The following SBNO2 variants were observed in gnomAD, a reference collection of about 807,000 sequenced individuals.
SBNO2 encodes strawberry notch homolog 2, also known as protein strawberry notch homolog 2.
Under a neutral mutation model 146.3 loss-of-function variants are expected in SBNO2, and 89 were observed. That is an observed-to-expected ratio of 0.61 (90% confidence interval 0.51 to 0.73). SBNO2 has a LOEUF of 0.73. SBNO2 is among the 30% of genes least tolerant of loss of function. The probability of loss-of-function intolerance (pLI) is 0.00; values close to 1 mark genes in which losing one functional copy is unlikely to be tolerated. For missense variants in SBNO2, 2,092 were observed against 2,003.7 expected, an observed-to-expected ratio of 1.04 and a Z score of -0.84; for synonymous variants, 1,147 against 892.6, an observed-to-expected ratio of 1.29 and a Z score of -5.08.
chr19:1,161,538 G>A (rs1192883258), intron 1 of SBNO2, among the ~76,000 whole-genome samples: 1 of 90,876 alleles, frequency 1.1e-5, no homozygotes, highest in African/African-American at 4.3e-5. Context: ...GAGCACTGGG[G>A]GGGTGGAAGT....
At chr19:1,172,928 C>A (rs1216721329) in intron 1 of SBNO2, among the ~76,000 whole-genome samples, 2 of 151,668 alleles carry the variant, frequency 1.3e-5, no homozygotes, top group Non-Finnish European at 2.9e-5. Context: ...TCTGAGCAGG[C>A]GGGAACAACA....
At chr19:1,121,570 C>A (rs1157783347) in intron 11 of SBNO2, among the ~76,000 whole-genome samples, 1 of 152,246 alleles carries the variant, frequency 6.6e-6, no homozygotes, top group Non-Finnish European at 1.5e-5. Context: ...CAGGGCTGAG[C>A]CTGGCCAAGG....
At chr19:1,146,805 G>T (rs1427686088) in intron 4 of SBNO2, among the ~76,000 whole-genome samples, 18 of 139,080 alleles carry the variant, frequency 1.3e-4, no homozygotes, top group African/African-American at 3.6e-4. Context: ...GGGGAGGCTG[G>T]GAGGGTGGGG....
At chr19:1,164,978 G>C (rs2080398371) in intron 1 of SBNO2, among the ~76,000 whole-genome samples, 1 of 151,412 alleles carries the variant, frequency 6.6e-6, no homozygotes, top group Non-Finnish European at 1.5e-5. Flanking sequence ...GGAACAGGAG[G>C]AGGAGGAGGA....
intron 15 of SBNO2, 140 bp from the exon 16 acceptor site, chr19:1,117,066 CT>C: frequency 1.2e-6 from 1 of 842,424 alleles, no homozygotes; most frequent in Non-Finnish European, 1.8e-6. Flanking sequence ...CACGGCCCCC[CT>C]ACAACACACA....
Position 1,157,376 on chromosome 19 carries a change from GCCACGCAGCCCCGGAGACGCTCTCC to G in SBNO2, c.-126-2999_-126-2975del, listed in dbSNP as rs1342417707. ...CCCCACGCGGCCCCGGAGACCCTCTGCCACGCAGCCCCGGAGACGCTCTCCCCACGCGGCCCCGGAGACCCTCTCC... is the reference window on the plus strand; with the variant it reads ...CCCCACGCGGCCCCGGAGACCCTCTGCCACGCGGCCCCGGAGACCCTCTCC... On this transcript the variant is annotated intron_variant, in intron 1 of 31. Transcript: ENST00000361757. This position sits in a 1 kb window ranked among gnomAD's most constrained non-coding sequence, Gnocchi z 6.8. Among the ~76,000 whole-genome samples the G allele has an allele frequency of 1.9e-4, 26 of 133,774 alleles. No homozygotes were observed. The South Asian group carries it at 6.4e-3, about 33-fold the overall frequency. 87.8% of individuals were successfully genotyped at this position (133,774 alleles called of 152,430 possible). A position where few individuals can be genotyped will look rare whatever the true frequency, so the allele number is the denominator to read the frequency against.
At chr19:1,152,802 T>A (rs1164396823) in intron 2 of SBNO2, among the ~76,000 whole-genome samples, 1 of 151,916 alleles carries the variant, frequency 6.6e-6, no homozygotes, top group Non-Finnish European at 1.5e-5. Context: ...GACCCTGGAG[T>A]CCTGGAGCAG....
rs376971525 is a variant in SBNO2 at position 1,127,634 on chromosome 19, G to A, written c.411C>T (p.Asp137=). Residue 137 remains aspartate (D), a synonymous_variant, in exon 5 of 32, where the codon GAC becomes GAT. Transcript: ENST00000361757. The stretch of plus-strand genomic sequence containing the variant: ...CGTGGGTGGAGGGGGCAGGGTTATC[G>A]TCCCAGATGGTGGACACCTGGTTGA... ...DSLNQVSTIW[D]DNPAPSTHDK... is the part of the protein sequence containing the mutation. The A allele has an allele frequency of 1.2e-5, 19 of 1,613,198 alleles. No individual in the cohort carries two copies. Among genetic ancestry groups the A allele is most frequent in the Middle Eastern group, 1.7e-4 (1 of 6,042 alleles).
rs188558853 is a variant in SBNO2, at chr19:1,157,878, T to C, written c.-126-3476A>G. Reference sequence around the variant, plus strand: ...TCTCTTGAGTCCGGGTAACTGCATCTGCCTCCCAGCTCTCTCTCCTGAGTC... The same window carrying C: ...TCTCTTGAGTCCGGGTAACTGCATCCGCCTCCCAGCTCTCTCTCCTGAGTC... On this transcript the variant is annotated intron_variant, in intron 1 of 31. Transcript: ENST00000361757. The surrounding 1 kb of genome is among the most constrained non-coding windows in gnomAD (Gnocchi z 6.8). Among the ~76,000 whole-genome samples the C allele has an allele frequency of 1.6e-3, 234 of 146,080 alleles. 1 individual carries two copies. Among genetic ancestry groups the C allele is most frequent in the African/African-American group, 6.0e-3 (225 of 37,682 alleles).
At chr19:1,166,743 G>A (rs1274060830) in intron 1 of SBNO2, among the ~76,000 whole-genome samples, 3 of 152,162 alleles carry the variant, frequency 2.0e-5, no homozygotes, top group Non-Finnish European at 2.9e-5. Flanking sequence ...CTGAGCAGAC[G>A]TTAAGCTAAA....
At chr19:1,118,313 G>C (rs931654095) in intron 14 of SBNO2, among the ~76,000 whole-genome samples, 5 of 151,936 alleles carry the variant, frequency 3.3e-5, no homozygotes, top group Admixed American at 2.0e-4. Context: ...ACTCCAGCCT[G>C]GGCAACAAGA....
At chr19:1,139,547 C>G (rs933710928) in intron 4 of SBNO2, among the ~76,000 whole-genome samples, 1 of 152,050 alleles carries the variant, frequency 6.6e-6, no homozygotes, top group Non-Finnish European at 1.5e-5. Flanking sequence ...GTAATCCCGA[C>G]ACTTTGGGAG....
chr19:1,162,031 C>T (rs1190991789), intron 1 of SBNO2, among the ~76,000 whole-genome samples: 1 of 150,560 alleles, frequency 6.6e-6, no homozygotes, highest in African/African-American at 2.4e-5. Context: ...CAGATGGCGC[C>T]TGGGGCCTTT....
rs750030848 is a variant in SBNO2, at chr19:1,110,932, C to G, written c.2885-44G>C. ...AAGCCTCAGGCTGCGCTGGGAATCC[C>G]TCTCCCTGCTTTGCTCACCACCCGA... On this transcript the variant is annotated intron_variant, in intron 25 of 31. Coordinates refer to ENST00000361757, the MANE Select transcript of SBNO2 (RefSeq NM_014963.3). The surrounding 1 kb of genome is among the most constrained non-coding windows in gnomAD (Gnocchi z 4.9). 5.6e-6 allele frequency: 9 copies of G among 1,611,032 alleles called. No individual in the cohort carries two copies. In the Admixed American group the frequency reaches 1.3e-4, roughly 24 times the overall value.
chr19:1,120,176 C>T lies in SBNO2; in HGVS notation c.1150-153G>A, dbSNP rs368515565. 511 of 596,478 alleles carry T rather than the reference C, an allele frequency of 8.6e-4. 3 individuals carry two copies. The highest frequency in any genetic ancestry group is 6.4e-3 in the South Asian group (328 of 51,512). The allele number at this position is 596,478 out of a possible 1,614,324, so 36.9% of individuals were successfully genotyped here. A position where few individuals can be genotyped will look rare whatever the true frequency, so the allele number is the denominator to read the frequency against. On this transcript the variant is annotated intron_variant, in intron 11 of 31. Coordinates refer to ENST00000361757, the MANE Select transcript of SBNO2 (RefSeq NM_014963.3). ...GGGAAGCCCAGGTCGGAGTGGCAGC[C>T]GGCTACCATGGGGGGCGGGCGGGCA...
rs922369853 is a variant in SBNO2 at position 1,126,670 on chromosome 19, G to A, written c.441+934C>T. Among the ~76,000 whole-genome samples, 2 of 152,182 alleles carry A rather than the reference G, an allele frequency of 1.3e-5. No individual in the cohort carries two copies. Among genetic ancestry groups the A allele is most frequent in the African/African-American group, 4.8e-5 (2 of 41,444 alleles). Reference sequence around the variant, plus strand: ...CCGGGTTGCCCCTTCCTGAGGGCCCGGGAGAGCGGCCTATGGGTGTGAGCC... The same window carrying A: ...CCGGGTTGCCCCTTCCTGAGGGCCCAGGAGAGCGGCCTATGGGTGTGAGCC... On this transcript the variant is annotated intron_variant, in intron 5 of 31. Transcript: ENST00000361757. The surrounding 1 kb of genome is among the most constrained non-coding windows in gnomAD (Gnocchi z 4.4).
intron 1 of SBNO2, 68 bp from the exon 2 acceptor site, chr19:1,154,470 C>G: frequency 2.6e-6 from 1 of 384,948 alleles, no homozygotes; most frequent in Non-Finnish European, 4.6e-6. Context: ...CCGGCCGCCT[C>G]TCCCTCGGGC....
In SBNO2 at chr19:1,119,168, C is replaced by A. The variant is rs771998949; in HGVS notation, c.1374-4G>T. Reference sequence around the variant, plus strand: ...GATCTCCATGGCGCCAACGCCCCTGCGGATGGACACAGCCCCCGTGAGCAC... The same window carrying A: ...GATCTCCATGGCGCCAACGCCCCTGAGGATGGACACAGCCCCCGTGAGCAC... On this transcript the variant is annotated splice_region_variant and splice_polypyrimidine_tract_variant and intron_variant, in intron 13 of 31. Transcript: ENST00000361757. The A allele has an allele frequency of 5.7e-6, 9 of 1,592,020 alleles. 1 individual carries two copies. The South Asian group carries it at 1.0e-4, about 18-fold the overall frequency.
At chr19:1,153,439 A>G (rs2080260808) in intron 2 of SBNO2, among the ~76,000 whole-genome samples, 1 of 150,244 alleles carries the variant, frequency 6.7e-6, no homozygotes, top group African/African-American at 2.5e-5. Context: ...GGGTTTCACC[A>G]TGTTGGCCAG....
Sources: gnomAD v4.1 joint callset for allele counts (sites outside exome capture counted in the v4.1 genomes callset) on GRCh38, gnomAD v4.1.1 for gene constraint, Gnocchi (gnomAD v3.1) non-coding constraint, MANE v1.5 for transcripts, NCBI Gene and HGNC (gene_info 2026-07-23, HGNC 2026-07-21) for gene names.